KCNG3: variants seen among roughly 807,000 people sequenced by gnomAD.
KCNG3 encodes the protein voltage-gated potassium channel regulatory subunit KCNG3.
KCNG3 carries 15 observed loss-of-function variants against 29.0 expected under a neutral mutation model. The ratio of observed to expected loss-of-function variants is 0.52; its 90% CI spans 0.35 to 0.80. The LOEUF (loss-of-function observed/expected upper bound fraction) is 0.80, where lower values mean the gene tolerates loss of function less well. KCNG3 is among the 30% of genes least tolerant of loss of function. The pLI, the probability that KCNG3 is intolerant of heterozygous loss-of-function variation, is 0.01. For missense variants in KCNG3, 512 were observed against 605.7 expected (o/e 0.85, Z 1.62); for synonymous variants, 322 against 248.9 (o/e 1.29, Z -2.76).
the KCNG3 span, among the ~76,000 whole-genome samples, chr2:42,431,997 C>A: frequency 6.7e-6 from 1 of 149,746 alleles, no homozygotes; most frequent in African/African-American, 2.5e-5. Flanking sequence ...CAAGATAATG[C>A]CACTGCACTC....
chr2:42,492,752 C>T, intron 1 of KCNG3, 85 bp downstream of exon 1: 2 of 1,254,902 alleles, frequency 1.6e-6, no homozygotes, highest in Admixed American at 3.9e-5. Flanking sequence ...CGCCCGGAGG[C>T]GGACAGGACG....
the KCNG3 span, among the ~76,000 whole-genome samples, chr2:42,412,864 T>G: frequency 6.6e-6 from 1 of 152,324 alleles, no homozygotes; most frequent in East Asian, 1.9e-4. Flanking sequence ...TGCTGGCGTC[T>G]GAAATACCTT....
At chr2:42,477,388 TACACACACACACACAC>T (rs1210808896) in intron 1 of KCNG3, among the ~76,000 whole-genome samples, 11 of 104,768 alleles carry the variant, frequency 1.0e-4, no homozygotes, top group Non-Finnish European at 1.7e-4. Context: ...CACATATATA[TACACACACACACACAC>T]ACACACACAC....
chr2:42,419,505 G>A, the KCNG3 span, among the ~76,000 whole-genome samples: 1 of 151,882 alleles, frequency 6.6e-6, no homozygotes, highest in South Asian at 2.1e-4. Context: ...GCCTCCCAAA[G>A]TGCTGGGATT....
At chr2:42,457,816 TA>T (rs796611658) in intron 1 of KCNG3, among the ~76,000 whole-genome samples, 72 of 141,340 alleles carry the variant, frequency 5.1e-4, no homozygotes, top group Non-Finnish European at 5.4e-4. Context: ...ACCCTATCTC[TA>T]AAAAAAAAAA....
the KCNG3 span, among the ~76,000 whole-genome samples, chr2:42,403,439 G>T: frequency 6.8e-6 from 1 of 148,140 alleles, no homozygotes; most frequent in Non-Finnish European, 1.5e-5. Flanking sequence ...CACCATACCT[G>T]GCTTATTGTT....
the KCNG3 span, among the ~76,000 whole-genome samples, chr2:42,413,040 G>GTTCAC: frequency 1.3e-5 from 2 of 152,126 alleles, no homozygotes. Flanking sequence ...TGCAATCATA[G>GTTCAC]TTCACTGCAG....
chr2:42,430,154 CT>C, the KCNG3 span, among the ~76,000 whole-genome samples: 3 of 152,090 alleles, frequency 2.0e-5, no homozygotes, highest in East Asian at 1.9e-4. Flanking sequence ...ATCACTTGAG[CT>C]CAGGAGTTCA....
intron 1 of KCNG3, among the ~76,000 whole-genome samples, chr2:42,474,465 T>A (rs1195624600): frequency 6.6e-6 from 1 of 152,082 alleles, no homozygotes; most frequent in East Asian, 1.9e-4. Flanking sequence ...GAGGCGCAGG[T>A]TGCAGTGAGC....
the KCNG3 span, among the ~76,000 whole-genome samples, chr2:42,434,585 G>C: frequency 7.2e-6 from 1 of 139,706 alleles, no homozygotes; most frequent in Non-Finnish European, 1.5e-5. Flanking sequence ...GGAATTGCTT[G>C]AACCCGGGAG....
the KCNG3 span, among the ~76,000 whole-genome samples, chr2:42,406,940 A>G: frequency 1.3e-5 from 2 of 151,924 alleles, no homozygotes; most frequent in Non-Finnish European, 1.5e-5. Context: ...GAAACATTCT[A>G]TATGATAAAA....
chr2:42,441,430 C>T (rs76020501), downstream of KCNG3, among the ~76,000 whole-genome samples: 1 of 151,972 alleles, frequency 6.6e-6, no homozygotes, highest in African/African-American at 2.4e-5. Flanking sequence ...AGTAGCAACG[C>T]TCAGGGAACG....
chr2:42,477,388 TACACACAC>T (rs1210808896), intron 1 of KCNG3, among the ~76,000 whole-genome samples: 14 of 104,786 alleles, frequency 1.3e-4, no homozygotes, highest in Middle Eastern at 7.2e-3. Flanking sequence ...CACATATATA[TACACACAC>T]ACACACACAC....
At position 42,479,873 on chromosome 2, in the gene KCNG3, G is replaced by A. The variant is rs191462376; in HGVS notation, c.665+12964C>T. Among the ~76,000 whole-genome samples the A allele has an allele frequency of 3.8e-3, 577 of 152,168 alleles. 4 individuals are homozygous for A. The highest frequency in any genetic ancestry group is 0.012 in the African/African-American group (502 of 41,526). ...TAAAAATAACAAAAATTAGCCAGGC[G>A]TGTTGGTACATGTCTGTAACCCCAC... On this transcript the variant is annotated intron_variant, in intron 1 of 1. Transcript: ENST00000306078.
At chr2:42,430,203 C>CA in the KCNG3 span, among the ~76,000 whole-genome samples, 3 of 151,070 alleles carry the variant, frequency 2.0e-5, no homozygotes, top group Non-Finnish European at 4.4e-5. Context: ...CTCATCTCTA[C>CA]AAAAAATAAA....
chr2:42,401,090 G>A, the KCNG3 span, among the ~76,000 whole-genome samples: 1 of 149,936 alleles, frequency 6.7e-6, no homozygotes, highest in African/African-American at 2.4e-5. Flanking sequence ...AAATGTATAT[G>A]TATATATTAT....
chr2:42,416,845 G>T, the KCNG3 span, among the ~76,000 whole-genome samples: 4 of 151,308 alleles, frequency 2.6e-5, no homozygotes, highest in Admixed American at 2.6e-4. Flanking sequence ...AAAAAGAAAT[G>T]ATAGATGTTT....
chr2:42,469,057 T>C (rs1673217944), intron 1 of KCNG3, among the ~76,000 whole-genome samples: 1 of 151,852 alleles, frequency 6.6e-6, no homozygotes, highest in Non-Finnish European at 1.5e-5. Context: ...AGAAGGGTTT[T>C]CATGGTAATT....
At chr2:42,425,393 C>T in the KCNG3 span, among the ~76,000 whole-genome samples, 2 of 124,450 alleles carry the variant, frequency 1.6e-5, no homozygotes, top group Non-Finnish European at 3.3e-5. Flanking sequence ...AGCAAGACTC[C>T]GTCTCAAAAA....
Sources: allele counts gnomAD v4.1 joint callset (sites outside exome capture counted in the v4.1 genomes callset), GRCh38; gene constraint gnomAD v4.1.1; transcripts MANE v1.5; gene names NCBI Gene and HGNC (gene_info 2026-07-23, HGNC 2026-07-21).